Variants in SPON1 observed in about 807,000 individuals in gnomAD.
SPON1 encodes spondin-1.
In SPON1, 52 loss-of-function variants were observed where a neutral mutation model predicts 111.7. That is an observed-to-expected ratio of 0.47 (90% confidence interval 0.37 to 0.59). The LOEUF (loss-of-function observed/expected upper bound fraction) is 0.59. SPON1 is among the 20% of genes least tolerant of loss of function. The probability of loss-of-function intolerance (pLI) is 0.00; values close to 1 mark genes in which losing one functional copy is unlikely to be tolerated. For missense variants in SPON1, 957 were observed against 1,068.5 expected (o/e 0.90, Z 1.46); for synonymous variants, 410 against 395.8 (o/e 1.04, Z -0.43).
intron 6 of SPON1, among the ~76,000 whole-genome samples, chr11:14,172,610 T>C (rs1475791439): frequency 6.6e-6 from 1 of 152,028 alleles, no homozygotes; most frequent in Non-Finnish European, 1.5e-5. Flanking sequence ...CAATTTGGCA[T>C]ATTTTTGCAG....
chr11:14,014,614 A>G (rs1246021594), intron 2 of SPON1, among the ~76,000 whole-genome samples: 1 of 152,182 alleles, frequency 6.6e-6, no homozygotes, highest in Non-Finnish European at 1.5e-5. Flanking sequence ...GTCACTGTGC[A>G]TGAGAGATGG....
chr11:14,011,403 T>C (rs1369059361), intron 2 of SPON1, among the ~76,000 whole-genome samples: 2 of 151,806 alleles, frequency 1.3e-5, no homozygotes, highest in African/African-American at 4.8e-5. Flanking sequence ...ATCAGAAAAA[T>C]GCACTCACAC....
chr11:14,194,809 A>G (rs1397228337), intron 6 of SPON1, among the ~76,000 whole-genome samples: 4 of 152,240 alleles, frequency 2.6e-5, no homozygotes, highest in African/African-American at 9.6e-5. Flanking sequence ...AGGTTAGGAA[A>G]TATTTTTAAA....
At chr11:14,252,482 G>A (rs1373086307) in intron 7 of SPON1, among the ~76,000 whole-genome samples, 4 of 142,920 alleles carry the variant, frequency 2.8e-5, no homozygotes, top group Non-Finnish European at 6.1e-5. Context: ...CAAGACCTGC[G>A]CAGAGTGTGG....
chr11:13,966,441 A>G (rs754639121), intron 1 of SPON1, among the ~76,000 whole-genome samples: 2 of 152,238 alleles, frequency 1.3e-5, no homozygotes, highest in Non-Finnish European at 2.9e-5. Flanking sequence ...ATTGAAAATA[A>G]AAGAGGCTCT....
intron 1 of SPON1, among the ~76,000 whole-genome samples, chr11:13,975,640 A>C (rs1848097546): frequency 1.3e-5 from 2 of 152,128 alleles, no homozygotes; most frequent in South Asian, 4.2e-4. Flanking sequence ...CTCACAGGGC[A>C]CTCTGAGTGT....
intron 6 of SPON1, among the ~76,000 whole-genome samples, chr11:14,170,855 T>G (rs1848090109): frequency 6.6e-6 from 1 of 152,192 alleles, no homozygotes. Context: ...CACTTGATCA[T>G]GGTGGATAAG....
At chr11:14,225,987 TAC>T (rs1392984661) in intron 6 of SPON1, among the ~76,000 whole-genome samples, 1 of 152,256 alleles carries the variant, frequency 6.6e-6, no homozygotes, top group African/African-American at 2.4e-5. Context: ...GCATTTTGAT[TAC>T]AATCTTCAAT....
Position 14,259,181 on chromosome 11 carries a change from A to G in SPON1, c.1493-99A>G. 1.5e-6 allele frequency: 2 copies of G among 1,347,078 alleles called. No individual in the cohort carries two copies. The highest frequency in any genetic ancestry group is 2.0e-6 in the Non-Finnish European group (2 of 1,003,404). The allele number at this position is 1,347,078 out of a possible 1,614,324, so 83.4% of individuals were successfully genotyped here. On this transcript the variant is annotated intron_variant, in intron 11 of 15. Transcript: ENST00000576479. The surrounding 1 kb of genome is among the most constrained non-coding windows in gnomAD (Gnocchi z 5.0). ...GTGTGCAGACAACCTCAACTGCCTG[A>G]CTCCTCTTGATTCCCGCTGGCGGGA...
intron 15 of SPON1, 89 bp from the exon 16 acceptor site, chr11:14,265,435 G>C (rs1159050729): frequency 7.0e-7 from 1 of 1,419,370 alleles, no homozygotes; most frequent in South Asian, 1.4e-5. Context: ...GAGGAGCCCA[G>C]ACAAGCACAT....
rs1847920154 is a variant in SPON1 at position 14,160,711 on chromosome 11, A to ATATATATTTATATATTTATATATATTTT, written c.825+25170_825+25171insTTATATATTTATATATTTATATATATTT. 5.0e-4 allele frequency among the ~76,000 whole-genome samples: 5 copies of ATATATATTTATATATTTATATATATTTT among 10,042 alleles called. 1 individual carries two copies. Among genetic ancestry groups the ATATATATTTATATATTTATATATATTTT allele is most frequent in the Non-Finnish European group, 6.9e-4 (5 of 7,234 alleles). 6.6% of individuals were successfully genotyped at this position (10,042 alleles called of 152,430 possible). A position where few individuals can be genotyped will look rare whatever the true frequency, so the allele number is the denominator to read the frequency against. On this transcript the variant is annotated intron_variant, in intron 6 of 15. Transcript: ENST00000576479. ...TATATTTATATATTTATATATATTT[A>ATATATATTTATATATTTATATATATTTT]TATATATTTATATATTTATATATAT...
intron 1 of SPON1, among the ~76,000 whole-genome samples, chr11:13,967,786 T>C (rs1848030311): frequency 6.6e-6 from 1 of 152,236 alleles, no homozygotes; most frequent in African/African-American, 2.4e-5. Flanking sequence ...CACCATTCCC[T>C]GCTTTTTTGT....
intron 5 of SPON1, among the ~76,000 whole-genome samples, chr11:14,115,004 C>G (rs1304283392): frequency 6.6e-6 from 1 of 152,180 alleles, no homozygotes; most frequent in Admixed American, 6.5e-5. Context: ...GCTAATGGCT[C>G]CAGGCAGGCA....
In SPON1 at chr11:13,963,117, C is replaced by T; in HGVS notation, c.213C>T (p.Phe71=). The T allele has an allele frequency of 2.0e-6, 3 of 1,527,244 alleles. No homozygotes were observed. Among genetic ancestry groups the T allele is most frequent in the Non-Finnish European group, 1.8e-6 (2 of 1,137,132 alleles). The allele number at this position is 1,527,244 out of a possible 1,614,324, so 94.6% of individuals were successfully genotyped here. ...TCCGCGTGGAGGGCGACCCCGACTT[C>T]TACAAGCCGGGAACCAGCTACCGCG... ...FSLRVEGDPD[F]YKPGTSYRVT... is the part of the protein sequence containing the mutation. Residue 71 remains phenylalanine (F), a synonymous_variant, in exon 1 of 16, where the codon TTC becomes TTT. Transcript: ENST00000576479.
intron 5 of SPON1, among the ~76,000 whole-genome samples, chr11:14,118,205 A>C (rs2133852433): frequency 6.6e-6 from 1 of 152,328 alleles, no homozygotes; most frequent in East Asian, 1.9e-4. Context: ...AAATTAGATA[A>C]ACATTGCTAG....
At chr11:14,015,977 T>C (rs893375033) in intron 2 of SPON1, among the ~76,000 whole-genome samples, 3 of 152,212 alleles carry the variant, frequency 2.0e-5, no homozygotes, top group Admixed American at 6.5e-5. Context: ...TTTCTTCTCA[T>C]GGTTCAGTGC....
intron 3 of SPON1, among the ~76,000 whole-genome samples, chr11:14,049,321 C>T (rs1217379176): frequency 1.3e-5 from 2 of 152,190 alleles, no homozygotes; most frequent in South Asian, 2.1e-4. Flanking sequence ...ACACTTCTTG[C>T]ATTACTCTTA....
At chr11:14,189,582 C>T (rs2133891054) in intron 6 of SPON1, among the ~76,000 whole-genome samples, 1 of 152,282 alleles carries the variant, frequency 6.6e-6, no homozygotes, top group Non-Finnish European at 1.5e-5. Flanking sequence ...TGCTCTGGCC[C>T]CACCCCATAT....
intron 6 of SPON1, among the ~76,000 whole-genome samples, chr11:14,216,777 A>G (rs782718960): frequency 2.0e-5 from 3 of 152,210 alleles, no homozygotes; most frequent in Non-Finnish European, 4.4e-5. Context: ...CCACCTCCCA[A>G]CAAGGTTGCA....
Sources: allele counts gnomAD v4.1 joint callset (sites outside exome capture counted in the v4.1 genomes callset), GRCh38; gene constraint gnomAD v4.1.1; non-coding constraint Gnocchi (gnomAD v3.1); transcripts MANE v1.5; gene names NCBI Gene and HGNC (gene_info 2026-07-23, HGNC 2026-07-21).